The following GNAQ variants were observed in gnomAD, a reference collection of about 807,000 sequenced individuals.
The protein encoded by GNAQ is G protein subunit alpha q, also known as guanine nucleotide-binding protein G(q) subunit alpha.
In GNAQ, 8 loss-of-function variants were observed where a neutral mutation model predicts 43.9. The ratio of observed to expected loss-of-function variants is 0.18; its 90% confidence interval spans 0.11 to 0.33. The LOEUF is 0.33. Among genes scored for constraint, GNAQ ranks in the 10% least tolerant of loss-of-function variants. The pLI is 1.00. For synonymous variants in GNAQ, 155 were observed against 170.7 expected (o/e 0.91, Z 0.71); for missense variants, 158 against 450.8 (o/e 0.35, Z 5.88).
rs1390527788 is a variant in GNAQ, at chr9:77,724,601, T to C, written c.890-3088A>G. Among the ~76,000 whole-genome samples, 23 of 152,342 alleles carry C rather than the reference T, an allele frequency of 1.5e-4. No individual in the cohort carries two copies. In the East Asian group the frequency reaches 4.2e-3, roughly 28 times the overall value. ...CCACCATTTCTAACAAAATGCACCC[T>C]GAGCTTCAGACAGCTGACTTGAATT... On this transcript the variant is annotated intron_variant, in intron 6 of 6. Transcript: ENST00000286548.
At chr9:77,787,520 T>C (rs886145580) in intron 5 of GNAQ, among the ~76,000 whole-genome samples, 14 of 152,216 alleles carry the variant, frequency 9.2e-5, no homozygotes, top group Admixed American at 2.0e-4. Context: ...GCACAACTGA[T>C]AGAAGAATAG....
chr9:77,885,765 A>G (rs1828293482), intron 2 of GNAQ, among the ~76,000 whole-genome samples: 1 of 151,924 alleles, frequency 6.6e-6, no homozygotes, highest in Admixed American at 6.6e-5. Flanking sequence ...AGATTGAAAG[A>G]GAAAACTAGG....
At chr9:77,746,607 T>C (rs1825733950) in intron 5 of GNAQ, among the ~76,000 whole-genome samples, 1 of 151,932 alleles carries the variant, frequency 6.6e-6, no homozygotes, top group South Asian at 2.1e-4. Context: ...GGAAAAAAAG[T>C]TGACCAAAAA....
chr9:77,970,957 T>C (rs541204014), intron 1 of GNAQ, among the ~76,000 whole-genome samples: 1 of 151,848 alleles, frequency 6.6e-6, no homozygotes, highest in African/African-American at 2.4e-5. Context: ...TCACCACCGA[T>C]CCCACAGAAA....
intron 5 of GNAQ, among the ~76,000 whole-genome samples, chr9:77,769,261 G>C (rs1304085784): frequency 6.6e-6 from 1 of 152,078 alleles, no homozygotes; most frequent in East Asian, 1.9e-4. Flanking sequence ...TATTAGCCAG[G>C]GGTGGTGGCA....
intron 1 of GNAQ, among the ~76,000 whole-genome samples, chr9:78,016,083 T>C (rs898889671): frequency 6.6e-6 from 1 of 151,916 alleles, no homozygotes; most frequent in African/African-American, 2.4e-5. Flanking sequence ...AAACCCCACA[T>C]CACACCACAT....
chr9:77,816,612 CAT>C (rs199854132), intron 2 of GNAQ, among the ~76,000 whole-genome samples: 5 of 151,872 alleles, frequency 3.3e-5, no homozygotes, highest in Admixed American at 2.0e-4. Flanking sequence ...TATACACACA[CAT>C]ATATATATAC....
intron 1 of GNAQ, among the ~76,000 whole-genome samples, chr9:77,961,827 T>C (rs1335451995): frequency 1.3e-5 from 2 of 151,836 alleles, no homozygotes; most frequent in African/African-American, 2.4e-5. Flanking sequence ...ATCAGGCAAA[T>C]AAAGAAACAG....
At chr9:77,901,917 G>A (rs1479196856) in intron 2 of GNAQ, among the ~76,000 whole-genome samples, 1 of 152,138 alleles carries the variant, frequency 6.6e-6, no homozygotes, top group Non-Finnish European at 1.5e-5. Context: ...GAGTAGAAGG[G>A]AACTAGCTTC....
At chr9:77,878,917 A>C (rs1485386321) in intron 2 of GNAQ, among the ~76,000 whole-genome samples, 1 of 152,102 alleles carries the variant, frequency 6.6e-6, no homozygotes, top group Middle Eastern at 3.4e-3. Context: ...GTGGTGGTAC[A>C]TGCCTGTAAT....
intron 2 of GNAQ, among the ~76,000 whole-genome samples, chr9:77,899,843 G>C (rs932440052): frequency 3.3e-5 from 5 of 152,148 alleles, no homozygotes; most frequent in African/African-American, 1.2e-4. Context: ...CAAATGCACG[G>C]AACTGTGCTA....
intron 1 of GNAQ, among the ~76,000 whole-genome samples, chr9:77,991,944 A>C (rs1399101255): frequency 2.6e-5 from 4 of 152,182 alleles, no homozygotes; most frequent in Non-Finnish European, 5.9e-5. Context: ...TATATATGCC[A>C]CATTTTCTTT....
chr9:77,735,985 T>C lies in GNAQ; in HGVS notation c.736-7318A>G, dbSNP rs76169413. ...CTGTGGCCTGAGCACACAGTAGCCT[T>C]CTATCACTGATGGCAAAATTGCTAC... is the stretch of plus-strand genomic sequence containing the variant. On this transcript the variant is annotated intron_variant, in intron 5 of 6. Transcript: ENST00000286548. 2.8e-3 allele frequency among the ~76,000 whole-genome samples: 431 copies of C among 152,276 alleles called. 3 individuals carry two copies. The highest frequency in any genetic ancestry group is 9.9e-3 in the African/African-American group (413 of 41,568).
At chr9:77,953,042 A>G (rs994731123) in intron 1 of GNAQ, among the ~76,000 whole-genome samples, 2 of 152,240 alleles carry the variant, frequency 1.3e-5, no homozygotes, top group Non-Finnish European at 2.9e-5. Context: ...CCAATAAAGT[A>G]TCATGTTGTG....
At chr9:77,731,318 G>A (rs1037287753) in intron 5 of GNAQ, among the ~76,000 whole-genome samples, 1 of 152,176 alleles carries the variant, frequency 6.6e-6, no homozygotes, top group Non-Finnish European at 1.5e-5. Context: ...ACTGGAGCCC[G>A]ACTGAGCCCA....
intron 2 of GNAQ, among the ~76,000 whole-genome samples, chr9:77,877,104 A>G (rs1184417136): frequency 6.6e-6 from 1 of 152,212 alleles, no homozygotes; most frequent in Non-Finnish European, 1.5e-5. Context: ...GGATGTTCCC[A>G]AGAATGATTA....
intron 2 of GNAQ, among the ~76,000 whole-genome samples, chr9:77,855,411 T>C (rs756742729): frequency 6.6e-6 from 1 of 152,152 alleles, no homozygotes; most frequent in East Asian, 1.9e-4. Flanking sequence ...TGGCTAGAGA[T>C]ATAAGCTGTG....
At chr9:77,728,463 G>A (rs375731962) in intron 6 of GNAQ, 51 bp downstream of exon 6, 9 of 1,365,286 alleles carry the variant, frequency 6.6e-6, no homozygotes, top group Non-Finnish European at 9.4e-6. Flanking sequence ...CTGGGGTTTG[G>A]AGACAAAACC....
At chr9:77,911,913 C>A (rs574240886) in intron 2 of GNAQ, among the ~76,000 whole-genome samples, 1 of 152,102 alleles carries the variant, frequency 6.6e-6, no homozygotes, top group Non-Finnish European at 1.5e-5. Context: ...AATAAAAGTC[C>A]TTTTACTAAG....
Sources: gnomAD v4.1 joint callset for allele counts (sites outside exome capture counted in the v4.1 genomes callset) on GRCh38, gnomAD v4.1.1 for gene constraint, MANE v1.5 for transcripts, NCBI Gene and HGNC (gene_info 2026-07-23, HGNC 2026-07-21) for gene names.